PIK3C3: variants seen among roughly 807,000 people sequenced by gnomAD.
The protein encoded by PIK3C3 is phosphatidylinositol 3-kinase catalytic subunit type 3, also known as PI3-kinase type 3.
Under a neutral mutation model 126.1 loss-of-function variants are expected in PIK3C3, and 95 were observed. The ratio of observed to expected loss-of-function variants is 0.75; its 90% CI spans 0.64 to 0.89. PIK3C3 has a LOEUF of 0.89. Ranked by LOEUF, PIK3C3 falls within the 40% of genes least tolerant of loss-of-function variation. The pLI, the probability that PIK3C3 is intolerant of heterozygous loss-of-function variation, is 0.00. For synonymous variants in PIK3C3, 374 were observed against 360.0 expected (o/e 1.04, Z -0.44); for missense variants, 829 against 1,063.2 (o/e 0.78, Z 3.06).
chr18:41,957,200 T>C (rs1281686362), intron 1 of PIK3C3, among the ~76,000 whole-genome samples: 3 of 152,188 alleles, frequency 2.0e-5, no homozygotes, highest in Non-Finnish European at 4.4e-5. Context: ...TAGATGAATA[T>C]GTGGTCAACT....
At chr18:42,006,603 G>A (rs1982557442) in intron 10 of PIK3C3, among the ~76,000 whole-genome samples, 1 of 151,884 alleles carries the variant, frequency 6.6e-6, no homozygotes, top group African/African-American at 2.4e-5. Context: ...GGGCTTGTTA[G>A]GAATAACAAA....
intron 20 of PIK3C3, among the ~76,000 whole-genome samples, chr18:42,046,142 C>T (rs1984547843): frequency 6.6e-6 from 1 of 152,060 alleles, no homozygotes; most frequent in African/African-American, 2.4e-5. Context: ...CACATTATAT[C>T]TTATCTCTCC....
At chr18:42,013,332 A>G (rs1982918378) in intron 10 of PIK3C3, 110 bp from the exon 11 acceptor site, 1 of 675,804 alleles carries the variant, frequency 1.5e-6, no homozygotes, top group Admixed American at 3.3e-5. Context: ...AATACAGCTG[A>G]AAAGTGATAG....
intron 15 of PIK3C3, among the ~76,000 whole-genome samples, chr18:42,032,261 A>G (rs1437912704): frequency 2.6e-5 from 4 of 152,224 alleles, no homozygotes. Context: ...TATTTGGAGC[A>G]GAGGGAATGG....
At chr18:41,991,260 A>G (rs902785314) in intron 6 of PIK3C3, among the ~76,000 whole-genome samples, 4 of 152,160 alleles carry the variant, frequency 2.6e-5, no homozygotes, top group Admixed American at 6.6e-5. Context: ...GTGGTGGCTC[A>G]TGCCTGTAAT....
chr18:41,973,269 A>G (rs1378737034), intron 4 of PIK3C3, among the ~76,000 whole-genome samples: 1 of 152,128 alleles, frequency 6.6e-6, no homozygotes, highest in Non-Finnish European at 1.5e-5. Flanking sequence ...CCTAATGTGA[A>G]TAATGGGGCT....
chr18:41,978,105 T>G (rs1162607401), intron 4 of PIK3C3, among the ~76,000 whole-genome samples: 1 of 152,128 alleles, frequency 6.6e-6, no homozygotes, highest in Non-Finnish European at 1.5e-5. Context: ...ACTACAGTTG[T>G]GCACCACCAT....
At chr18:42,038,734 T>C in intron 17 of PIK3C3, 47 bp from the exon 18 acceptor site, 2 of 1,190,924 alleles carry the variant, frequency 1.7e-6, no homozygotes, top group Non-Finnish European at 2.5e-6. Flanking sequence ...AACTGTCTTT[T>C]AACAGTCTTT....
rs140567792 is a variant in PIK3C3, at chr18:42,028,281, A to C, written c.1590+733A>C. ...TTTCTATTGTGTATCTTTCTTATCA[A>C]GGCTATGTACATTTCCAGAAATCTG... is the stretch of plus-strand genomic sequence containing the variant. On this transcript the variant is annotated intron_variant, in intron 14 of 24. Coordinates refer to ENST00000262039, the MANE Select transcript of PIK3C3 (RefSeq NM_002647.4). 6.6e-4 allele frequency among the ~76,000 whole-genome samples: 100 copies of C among 152,338 alleles called. 2 individuals are homozygous for C. The South Asian group carries it at 9.3e-3, about 14-fold the overall frequency.
chr18:42,060,167 G>A (rs1397437687), intron 22 of PIK3C3, among the ~76,000 whole-genome samples: 1 of 152,086 alleles, frequency 6.6e-6, no homozygotes, highest in African/African-American at 2.4e-5. Flanking sequence ...ATAGTTGTTT[G>A]GAGCTAAGGT....
At chr18:41,983,192 T>C (rs764664368) in intron 4 of PIK3C3, among the ~76,000 whole-genome samples, 14 of 152,192 alleles carry the variant, frequency 9.2e-5, no homozygotes, top group South Asian at 2.1e-4. Flanking sequence ...ATTTCCACCT[T>C]GATGTTCTGT....
chr18:41,960,942 A>G (rs903723902), intron 2 of PIK3C3, among the ~76,000 whole-genome samples: 2 of 152,012 alleles, frequency 1.3e-5, no homozygotes, highest in African/African-American at 2.4e-5. Context: ...CGGTTTCACC[A>G]TGTTGGCGAA....
In PIK3C3 at chr18:42,084,197, A is replaced by G. The variant is rs1986342784; in HGVS notation, c.*3060A>G. On this transcript the variant is annotated 3_prime_UTR_variant, in exon 25 of 25. Coordinates refer to ENST00000262039, the MANE Select transcript of PIK3C3 (RefSeq NM_002647.4). ...TACAACCATAATATACCTTAAGTAT[A>G]TTTTTGCACATAAGTATAACATTGC... 6.6e-6 allele frequency: 1 copy of G among 152,322 alleles called. No individual in the cohort carries two copies. Among genetic ancestry groups the G allele is most frequent in the East Asian group, 1.9e-4 (1 of 5,188 alleles). The allele number at this position is 152,322 out of a possible 1,614,324, so 9.4% of individuals were successfully genotyped here.
At chr18:42,051,619 G>T (rs1984806668) in intron 21 of PIK3C3, among the ~76,000 whole-genome samples, 1 of 152,088 alleles carries the variant, frequency 6.6e-6, no homozygotes, top group Non-Finnish European at 1.5e-5. Flanking sequence ...TAATAACCAA[G>T]ACCAAAAGAA....
intron 24 of PIK3C3, chr18:42,070,621 T>G (rs1378503008): frequency 6.6e-6 from 1 of 152,178 alleles, no homozygotes; most frequent in Non-Finnish European, 1.5e-5. Context: ...TGGGCCTCAG[T>G]TTTCACACCT....
In PIK3C3 at chr18:42,083,446, G is replaced by C. The variant is rs1986319451; in HGVS notation, c.*2309G>C. Reference sequence around the variant, plus strand: ...AGGAGAAGAGAGAATGTAGATGGCAGTTATTGAGAGTGGGGCTATAGGACA... The same window carrying C: ...AGGAGAAGAGAGAATGTAGATGGCACTTATTGAGAGTGGGGCTATAGGACA... On this transcript the variant is annotated 3_prime_UTR_variant, in exon 25 of 25. Transcript: ENST00000262039. The C allele has an allele frequency of 6.6e-6, 1 of 152,152 alleles. No homozygotes were observed. Among genetic ancestry groups the C allele is most frequent in the South Asian group, 2.1e-4 (1 of 4,824 alleles). The allele number at this position is 152,152 out of a possible 1,614,324, so 9.4% of individuals were successfully genotyped here.
At chr18:42,041,294 T>G (rs1984306648) in intron 19 of PIK3C3, among the ~76,000 whole-genome samples, 1 of 152,174 alleles carries the variant, frequency 6.6e-6, no homozygotes. Context: ...ATGTTGTAAT[T>G]TATTTGATAT....
chr18:42,004,262 C>A, intron 9 of PIK3C3, 94 bp from the exon 10 acceptor site: 2 of 872,132 alleles, frequency 2.3e-6, no homozygotes, highest in Non-Finnish European at 1.8e-6. Context: ...GACTCCGTGG[C>A]TCTGTCATTA....
rs778669649 is a variant in PIK3C3 at position 41,962,608 on chromosome 18, C to A, written c.377C>A (p.Thr126Lys). The A allele has an allele frequency of 6.2e-7, 1 of 1,610,856 alleles. No homozygotes were observed. Among genetic ancestry groups the A allele is most frequent in the East Asian group, 2.2e-5 (1 of 44,732 alleles). ...PGKAVPVGGTTVSLFGKYGMF... is the reference protein window; with the variant it reads ...PGKAVPVGGTKVSLFGKYGMF... ...AAAGCAGTGCCTGTAGGAGGAACAA[C>A]GGTTTCGCTCTTTGGAAAATACGGG... The change falls in exon 3 of 25, where the codon ACG (threonine) becomes AAG (lysine). Residue 126 changes from threonine to lysine, a missense_variant. By Grantham distance (78) the Thr-to-Lys change is moderately conservative (BLOSUM62 -1). Coordinates refer to ENST00000262039, the MANE Select transcript of PIK3C3 (RefSeq NM_002647.4).
Sources: gnomAD v4.1 joint callset for allele counts (sites outside exome capture counted in the v4.1 genomes callset) on GRCh38, gnomAD v4.1.1 for gene constraint, MANE v1.5 for transcripts, NCBI Gene and HGNC (gene_info 2026-07-23, HGNC 2026-07-21) for gene names.